The following VPS26A variants were observed in gnomAD, a reference collection of about 807,000 sequenced individuals.
VPS26A encodes VPS26 retromer complex component A.
VPS26A carries 22 observed loss-of-function variants against 42.4 expected under a neutral mutation model. That is an observed-to-expected ratio of 0.52 (90% CI 0.37 to 0.74). The LOEUF (loss-of-function observed/expected upper bound fraction) is 0.74. VPS26A is among the 30% of genes least tolerant of loss of function. VPS26A has a pLI of 0.00. For synonymous variants in VPS26A, 110 were observed against 123.5 expected (o/e 0.89, Z 0.73); for missense variants, 276 against 379.2 (o/e 0.73, Z 2.26).
At chr10:69,131,356 G>A (rs1406555184) in intron 1 of VPS26A, among the ~76,000 whole-genome samples, 1 of 152,186 alleles carries the variant, frequency 6.6e-6, no homozygotes, top group East Asian at 1.9e-4. Context: ...GGGAGGCCGA[G>A]GCAGGAGGAT....
In VPS26A at chr10:69,133,957, GA is replaced by G. The variant is rs550114027; in HGVS notation, c.153+911del. On this transcript the variant is annotated intron_variant, in intron 2 of 8. Transcript: ENST00000263559. ...CCACGTAGGCCTACAAAAGTGCTGGGATTACAGGTTTGAGCCACCACACCTG... is the reference window on the plus strand; with the variant it reads ...CCACGTAGGCCTACAAAAGTGCTGGGTTACAGGTTTGAGCCACCACACCTG... 2.1e-3 allele frequency among the ~76,000 whole-genome samples: 317 copies of G among 152,220 alleles called. 1 individual carries two copies. The highest frequency in any genetic ancestry group is 7.3e-3 in the African/African-American group (304 of 41,518).
intron 2 of VPS26A, among the ~76,000 whole-genome samples, chr10:69,139,465 G>A (rs1426098113): frequency 6.6e-6 from 1 of 151,958 alleles, no homozygotes; most frequent in Non-Finnish European, 1.5e-5. Flanking sequence ...CACCATGTCT[G>A]GCTAGTTTTT....
At chr10:69,134,529 T>G (rs1002726074) in intron 2 of VPS26A, among the ~76,000 whole-genome samples, 20 of 152,226 alleles carry the variant, frequency 1.3e-4, no homozygotes, top group African/African-American at 4.8e-4. Flanking sequence ...GTGGGTCTTT[T>G]TCACCCAAGG....
intron 5 of VPS26A, among the ~76,000 whole-genome samples, chr10:69,159,379 T>A (rs753614007): frequency 4.2e-5 from 6 of 143,894 alleles, no homozygotes; most frequent in Non-Finnish European, 7.5e-5. Flanking sequence ...AGACTCCATC[T>A]CAAAAAAAAA....
chr10:69,127,093 A>ATTTTTTTTTTTTTTTTTTTTTTTTTTT (rs71035057), intron 1 of VPS26A, among the ~76,000 whole-genome samples: 1 of 97,534 alleles, frequency 1.0e-5, no homozygotes, highest in Admixed American at 1.2e-4. Context: ...CACCCGGCCA[A>ATTTTTTTTTTTTTTTTTTTTTTTTTTT]TTTTTTTTTT....
chr10:69,162,605 C>A, intron 6 of VPS26A, 93 bp downstream of exon 6: 1 of 740,038 alleles, frequency 1.4e-6, no homozygotes, highest in Non-Finnish European at 2.1e-6. Flanking sequence ...TTGATATCCA[C>A]ATTGAGTACT....
chr10:69,160,498 CTG>C (rs1206298465), intron 5 of VPS26A, among the ~76,000 whole-genome samples: 5 of 150,430 alleles, frequency 3.3e-5, no homozygotes, highest in Non-Finnish European at 7.4e-5. Context: ...GTCGTCCCGT[CTG>C]GAGTGCAGTG....
intron 2 of VPS26A, among the ~76,000 whole-genome samples, chr10:69,147,246 T>A (rs1589353943): frequency 6.6e-6 from 1 of 152,160 alleles, no homozygotes; most frequent in East Asian, 1.9e-4. Context: ...AATTTGACTA[T>A]TTTTTTAATT....
chr10:69,155,675 T>C (rs1841417445), intron 2 of VPS26A, 137 bp from the exon 3 acceptor site: 1 of 679,704 alleles, frequency 1.5e-6, no homozygotes. Flanking sequence ...ATCATCCTGA[T>C]TTAGGTATGT....
intron 2 of VPS26A, among the ~76,000 whole-genome samples, chr10:69,153,169 C>T (rs1011545980): frequency 6.6e-6 from 1 of 150,820 alleles, no homozygotes; most frequent in African/African-American, 2.4e-5. Context: ...CTTGCCTTAG[C>T]CTCCCAAGTA....
At chr10:69,161,094 C>G (rs1414088565) in intron 5 of VPS26A, among the ~76,000 whole-genome samples, 2 of 152,114 alleles carry the variant, frequency 1.3e-5, no homozygotes, top group African/African-American at 2.4e-5. Flanking sequence ...GAGTCTGGCT[C>G]TGTCACCCAG....
Position 69,149,727 on chromosome 10 carries a change from G to GTTTTTTTT in VPS26A, c.154-6079_154-6078insTTTTTTTT, listed in dbSNP as rs151136046. 9.0e-4 allele frequency among the ~76,000 whole-genome samples: 85 copies of GTTTTTTTT among 93,944 alleles called. 16 individuals carry two copies. Among genetic ancestry groups the GTTTTTTTT allele is most frequent in the African/African-American group, 2.9e-3 (60 of 20,582 alleles). The allele number at this position is 93,944 out of a possible 152,430, so 61.6% of individuals were successfully genotyped here. ...ACCATGGAATGTTAACTTTCTTGGT[G>GTTTTTTTT]TTTTTTGTTTTTTTTTTTTTTTTTT... On this transcript the variant is annotated intron_variant, in intron 2 of 8. Coordinates refer to ENST00000263559, the MANE Select transcript of VPS26A (RefSeq NM_004896.5).
chr10:69,125,012 G>T lies in VPS26A; in HGVS notation c.3+732G>T, dbSNP rs540622683. 2.0e-4 allele frequency among the ~76,000 whole-genome samples: 30 copies of T among 152,306 alleles called. No individual in the cohort carries two copies. The East Asian group carries it at 3.5e-3, about 18-fold the overall frequency. On this transcript the variant is annotated intron_variant, in intron 1 of 8. Coordinates refer to ENST00000263559, the MANE Select transcript of VPS26A (RefSeq NM_004896.5). Reference sequence around the variant, plus strand: ...AATCAGTGCTCTCACCACAGTCCGCGGAAGCACTAGCCTGGGCATTGTGGT... The same window carrying T: ...AATCAGTGCTCTCACCACAGTCCGCTGAAGCACTAGCCTGGGCATTGTGGT...
Position 69,173,278 on chromosome 10 carries a change from C to CAAA in VPS26A, c.*2009_*2010insAAA, listed in dbSNP as rs1406517692. 2.2e-4 allele frequency among the ~76,000 whole-genome samples: 34 copies of CAAA among 152,286 alleles called. No homozygotes were observed. Among genetic ancestry groups the CAAA allele is most frequent in the African/African-American group, 7.9e-4 (33 of 41,556 alleles). ...ATCACCTTAGAAGCTTTTAAAATAA[C>CAAA]CAGGCCCGGGTCCTACTCTGACCAA... On this transcript the variant is annotated 3_prime_UTR_variant, in exon 9 of 9. Transcript: ENST00000263559.
chr10:69,133,915 G>T (rs1465457451), intron 2 of VPS26A, among the ~76,000 whole-genome samples: 1 of 151,964 alleles, frequency 6.6e-6, no homozygotes, highest in East Asian at 1.9e-4. Context: ...TTGAACTTCT[G>T]GGCTCAAGCA....
At position 69,135,627 on chromosome 10, in the gene VPS26A, AACCATACGTAG is replaced by A. The variant is rs1242852439; in HGVS notation, c.153+2584_153+2594del. On this transcript the variant is annotated intron_variant, in intron 2 of 8. Coordinates refer to ENST00000263559, the MANE Select transcript of VPS26A (RefSeq NM_004896.5). ...AAAATTACATTTTGGCATTGCTGGA[AACCATACGTAG>A]ACCTGATCAACTATGGATAGCATGT... is the stretch of plus-strand genomic sequence containing the variant. Among the ~76,000 whole-genome samples, 27 of 152,294 alleles carry A rather than the reference AACCATACGTAG, an allele frequency of 1.8e-4. No individual in the cohort carries two copies. In the East Asian group the frequency reaches 3.1e-3, roughly 17 times the overall value.
At chr10:69,170,183 A>T (rs1401569844) in intron 8 of VPS26A, 2 of 152,216 alleles carry the variant, frequency 1.3e-5, no homozygotes, top group African/African-American at 4.8e-5. Flanking sequence ...ATCTGGGAAA[A>T]AGAAAAATAA....
Position 69,173,693 on chromosome 10 carries a change from A to G in VPS26A, c.*2424A>G, listed in dbSNP as rs1365056314. ...TGGAGGTTTGTAAAATGTACCAATC[A>G]GTGCTTGTGAAAACGCACCAATCAG... On this transcript the variant is annotated 3_prime_UTR_variant, in exon 9 of 9. Transcript: ENST00000263559. Among the ~76,000 whole-genome samples the G allele has an allele frequency of 6.6e-6, 1 of 152,256 alleles. No individual in the cohort carries two copies. Among genetic ancestry groups the G allele is most frequent in the Admixed American group, 6.5e-5 (1 of 15,290 alleles).
intron 5 of VPS26A, among the ~76,000 whole-genome samples, chr10:69,161,208 T>A (rs1231299597): frequency 1.3e-5 from 2 of 152,084 alleles, no homozygotes; most frequent in African/African-American, 4.8e-5. Flanking sequence ...CACAGGCATG[T>A]GCCACTAATT....
Sources: gnomAD v4.1 joint callset for allele counts (sites outside exome capture counted in the v4.1 genomes callset) on GRCh38, gnomAD v4.1.1 for gene constraint, MANE v1.5 for transcripts, NCBI Gene and HGNC (gene_info 2026-07-23, HGNC 2026-07-21) for gene names.